Variants in TAX1BP1 observed in about 807,000 individuals in gnomAD.
The protein encoded by TAX1BP1 is Tax1 binding protein 1, also known as tax1-binding protein 1.
In TAX1BP1, 62 loss-of-function variants were observed where a neutral mutation model predicts 97.7. The observed-to-expected ratio is 0.63, with a 90% CI of 0.52 to 0.78. The LOEUF (loss-of-function observed/expected upper bound fraction) is 0.78. Ranked by LOEUF, TAX1BP1 falls within the 30% of genes least tolerant of loss-of-function variation. The pLI is 0.00. For missense variants in TAX1BP1, 867 were observed against 916.1 expected (o/e 0.95, Z 0.69); for synonymous variants, 340 against 304.2 (o/e 1.12, Z -1.23).
At chr7:27,828,214 C>G (rs1791258593) in intron 16 of TAX1BP1, among the ~76,000 whole-genome samples, 1 of 152,152 alleles carries the variant, frequency 6.6e-6, no homozygotes, top group African/African-American at 2.4e-5. Context: ...CTGATGCATA[C>G]AAGCATTTGA....
In TAX1BP1 at chr7:27,796,204, T is replaced by C. The variant is rs766320940; in HGVS notation, c.1623T>C (p.Cys541=). 1 of 1,584,660 alleles carries C rather than the reference T, an allele frequency of 6.3e-7. No homozygotes were observed. The highest frequency in any genetic ancestry group is 8.5e-7 in the Non-Finnish European group (1 of 1,171,478). Residue 541 remains cysteine (C), a synonymous_variant, in exon 12 of 17, where the codon TGT becomes TGC. Coordinates refer to ENST00000396319, the MANE Select transcript of TAX1BP1 (RefSeq NM_006024.7). ...IADKTEKYNK[C]KQLLQDEKAK... ...ACAAAACAGAAAAGTATAATAAATG[T>C]AAACAACTCTTGCAGGTAAGTTAAC...
At chr7:27,825,091 A>G (rs2128327281) in intron 15 of TAX1BP1, among the ~76,000 whole-genome samples, 1 of 152,226 alleles carries the variant, frequency 6.6e-6, no homozygotes, top group South Asian at 2.1e-4. Flanking sequence ...AACCTTGATG[A>G]TTAAGGTTTA....
rs142596402 is a variant in TAX1BP1, at chr7:27,801,829, T to G, written c.1764+1739T>G. On this transcript the variant is annotated intron_variant, in intron 13 of 16. Transcript: ENST00000396319. ...TTTCTTTTGCCCTATTTTGTACTGT[T>G]TTGACACAGACTAACACTGACCAGA... is the stretch of plus-strand genomic sequence containing the variant. 3.7e-4 allele frequency among the ~76,000 whole-genome samples: 57 copies of G among 152,348 alleles called. 1 individual carries two copies. The East Asian group carries it at 0.011, about 29-fold the overall frequency.
At chr7:27,821,373 G>A (rs541229148) in intron 15 of TAX1BP1, among the ~76,000 whole-genome samples, 8 of 152,270 alleles carry the variant, frequency 5.3e-5, no homozygotes, top group African/African-American at 1.7e-4. Context: ...GCTCAAGCTT[G>A]TAATCCCAGC....
intron 2 of TAX1BP1, among the ~76,000 whole-genome samples, chr7:27,752,827 A>G (rs574890886): frequency 2.0e-5 from 3 of 152,370 alleles, no homozygotes; most frequent in East Asian, 3.9e-4. Flanking sequence ...GTTATCCATT[A>G]TACGTTGGAG....
chr7:27,769,325 G>T (rs1304763301), intron 4 of TAX1BP1, among the ~76,000 whole-genome samples: 2 of 151,880 alleles, frequency 1.3e-5, no homozygotes, highest in Admixed American at 1.3e-4. Context: ...TTTCCTCTTG[G>T]AGTATCTGAT....
At chr7:27,751,395 A>G (rs1435479383) in intron 2 of TAX1BP1, among the ~76,000 whole-genome samples, 1 of 152,210 alleles carries the variant, frequency 6.6e-6, no homozygotes, top group Non-Finnish European at 1.5e-5. Context: ...AAAATTACAA[A>G]TAATTATACA....
chr7:27,754,902 A>G (rs918087001), intron 2 of TAX1BP1, among the ~76,000 whole-genome samples: 5 of 151,992 alleles, frequency 3.3e-5, no homozygotes, highest in Admixed American at 6.6e-5. Flanking sequence ...TCTAATGCAT[A>G]TATTTTGAAT....
chr7:27,821,725 G>A (rs911952271), intron 15 of TAX1BP1, among the ~76,000 whole-genome samples: 2 of 151,670 alleles, frequency 1.3e-5, no homozygotes, highest in African/African-American at 4.9e-5. Context: ...ATACAATTTA[G>A]TGGTTTTTAA....
intron 8 of TAX1BP1, among the ~76,000 whole-genome samples, chr7:27,791,562 A>T (rs1305130764): frequency 1.3e-5 from 2 of 152,122 alleles, no homozygotes; most frequent in African/African-American, 4.8e-5. Flanking sequence ...ATTATATTGG[A>T]TGTCTCTTGG....
intron 5 of TAX1BP1, 109 bp downstream of exon 5, chr7:27,769,943 G>A: frequency 1.9e-6 from 2 of 1,067,174 alleles, no homozygotes; most frequent in Non-Finnish European, 1.4e-6. Flanking sequence ...ACTGAGAAAA[G>A]TAGCCTTTTA....
chr7:27,768,201 G>A (rs1421491383), intron 4 of TAX1BP1, among the ~76,000 whole-genome samples: 1 of 151,948 alleles, frequency 6.6e-6, no homozygotes, highest in Non-Finnish European at 1.5e-5. Flanking sequence ...TGAAGTGTCT[G>A]CAATTTCACA....
Position 27,748,743 on chromosome 7 carries a change from A to G in TAX1BP1, c.162+57A>G, listed in dbSNP as rs1787919395. 7 of 1,331,868 alleles carry G rather than the reference A, an allele frequency of 5.3e-6. No individual in the cohort carries two copies. In the Admixed American group the frequency reaches 1.6e-4, roughly 30 times the overall value. 82.5% of individuals were successfully genotyped at this position (1,331,868 alleles called of 1,614,324 possible). Reference sequence around the variant, plus strand: ...TAAACACTTAAAATTTTCTTTTAAAACAGATTGATAAGTAGCTTTTACTTG... The same window carrying G: ...TAAACACTTAAAATTTTCTTTTAAAGCAGATTGATAAGTAGCTTTTACTTG... On this transcript the variant is annotated intron_variant, in intron 2 of 16. Transcript: ENST00000396319.
At chr7:27,787,336 A>T in intron 7 of TAX1BP1, 82 bp from the exon 8 acceptor site, 2 of 1,259,250 alleles carry the variant, frequency 1.6e-6, no homozygotes, top group Non-Finnish European at 2.2e-6. Context: ...TCTTTGGGTT[A>T]GAAATATAAT....
chr7:27,788,643 T>G (rs1403149033), intron 8 of TAX1BP1, among the ~76,000 whole-genome samples: 1 of 152,190 alleles, frequency 6.6e-6, no homozygotes, highest in Middle Eastern at 3.4e-3. Flanking sequence ...TAATCATCAT[T>G]ATTCTTTTTC....
At chr7:27,796,793 G>A (rs866939825) in intron 12 of TAX1BP1, among the ~76,000 whole-genome samples, 4 of 151,768 alleles carry the variant, frequency 2.6e-5, no homozygotes, top group South Asian at 2.1e-4. Flanking sequence ...CCCGGGAGGC[G>A]GAGGTTGCAG....
chr7:27,808,153 C>A (rs1313694362), intron 13 of TAX1BP1, among the ~76,000 whole-genome samples: 2 of 152,118 alleles, frequency 1.3e-5, no homozygotes, highest in Non-Finnish European at 2.9e-5. Flanking sequence ...GTAGGTGTAC[C>A]CTCATTGATT....
chr7:27,753,321 T>A (rs1206062985), intron 2 of TAX1BP1, among the ~76,000 whole-genome samples: 1 of 152,122 alleles, frequency 6.6e-6, no homozygotes, highest in Non-Finnish European at 1.5e-5. Flanking sequence ...TAAAAAGAAC[T>A]GCACCTGATG....
At chr7:27,802,904 C>A (rs186124033) in intron 13 of TAX1BP1, among the ~76,000 whole-genome samples, 1 of 152,062 alleles carries the variant, frequency 6.6e-6, no homozygotes. Flanking sequence ...TGCAATTTCA[C>A]ATAAACCAAA....
Sources: gnomAD v4.1 joint callset for allele counts (sites outside exome capture counted in the v4.1 genomes callset) on GRCh38, gnomAD v4.1.1 for gene constraint, MANE v1.5 for transcripts, NCBI Gene and HGNC (gene_info 2026-07-23, HGNC 2026-07-21) for gene names.